Variants in AGMO observed in about 807,000 individuals in gnomAD.
AGMO encodes alkylglycerol monooxygenase, also known as glyceryl-ether monooxygenase.
AGMO carries 75 observed loss-of-function variants against 60.2 expected under a neutral mutation model. That is an observed-to-expected ratio of 1.25 (90% CI 1.03 to 1.51). AGMO has a LOEUF of 1.51. Among genes scored for constraint, AGMO ranks in the 40% most tolerant of loss-of-function variants. The pLI, the probability that AGMO is intolerant of heterozygous loss-of-function variation, is 0.00. For synonymous variants in AGMO, 261 were observed against 177.1 expected, an observed-to-expected ratio of 1.47 and a Z score of -3.76; for missense variants, 763 against 525.5, an observed-to-expected ratio of 1.45 and a Z score of -4.42.
chr7:15,361,489 G>A (rs1782753945), intron 12 of AGMO, among the ~76,000 whole-genome samples: 2 of 137,292 alleles, frequency 1.5e-5, no homozygotes, highest in Admixed American at 8.1e-5. Context: ...GCAGTGAGCC[G>A]AGATCGCGCC....
the AGMO span, among the ~76,000 whole-genome samples, chr7:15,179,925 T>C: frequency 1.3e-5 from 2 of 152,078 alleles, no homozygotes; most frequent in Non-Finnish European, 2.9e-5. Context: ...GCCACAGGGG[T>C]ACTGTGCTAG....
At position 15,365,380 on chromosome 7, in the gene AGMO, T is replaced by TAAAAAAAAAAAAA. The variant is rs60202363; in HGVS notation, c.1263+121_1263+133dup. 4.2e-3 allele frequency: 930 copies of TAAAAAAAAAAAAA among 223,462 alleles called. 21 individuals carry two copies. The highest frequency in any genetic ancestry group is 8.9e-3 in the South Asian group (119 of 13,352). 13.8% of individuals were successfully genotyped at this position (223,462 alleles called of 1,614,324 possible). ...GACACAACTAACAAGTACTGGTAAG[T>TAAAAAAAAAAAAA]AAAAAAAAAAAAAAAGATCAAGATT... On this transcript the variant is annotated intron_variant, in intron 12 of 12. Transcript: ENST00000342526.
At chr7:15,195,306 AG>A in the AGMO span, among the ~76,000 whole-genome samples, 1 of 152,314 alleles carries the variant, frequency 6.6e-6, no homozygotes, top group Non-Finnish European at 1.5e-5. Context: ...AGCAAGAAAG[AG>A]AAAAGAGAAT....
intron 3 of AGMO, among the ~76,000 whole-genome samples, chr7:15,515,762 G>A (rs559685769): frequency 6.6e-6 from 1 of 152,318 alleles, no homozygotes; most frequent in South Asian, 2.1e-4. Flanking sequence ...ATGTTGTCCT[G>A]TAGGATTTAT....
chr7:15,178,296 G>T, the AGMO span, among the ~76,000 whole-genome samples: 1 of 152,178 alleles, frequency 6.6e-6, no homozygotes, highest in African/African-American at 2.4e-5. Flanking sequence ...TTCATTGATA[G>T]ATTGGCTGAT....
chr7:15,540,542 T>G (rs1379515809), intron 3 of AGMO, among the ~76,000 whole-genome samples: 1 of 152,138 alleles, frequency 6.6e-6, no homozygotes, highest in African/African-American at 2.4e-5. Flanking sequence ...TAGCATCAAG[T>G]GAGCTGGCAA....
intron 3 of AGMO, among the ~76,000 whole-genome samples, chr7:15,485,178 C>A (rs1208027185): frequency 2.1e-5 from 3 of 144,158 alleles, no homozygotes; most frequent in Non-Finnish European, 1.5e-5. Flanking sequence ...ATTAGCAGGG[C>A]GTGATGGCGG....
chr7:15,436,799 T>TC (rs1359168272), intron 3 of AGMO, among the ~76,000 whole-genome samples: 2 of 152,170 alleles, frequency 1.3e-5, no homozygotes, highest in Non-Finnish European at 2.9e-5. Flanking sequence ...GTCCAAGTAT[T>TC]CTCTGGGACA....
intron 3 of AGMO, among the ~76,000 whole-genome samples, chr7:15,540,740 T>C (rs1479553871): frequency 1.3e-5 from 2 of 152,228 alleles, no homozygotes; most frequent in South Asian, 2.1e-4. Context: ...CATAACCTCT[T>C]GTATTGTTTT....
rs570425558 is a variant in AGMO at position 15,533,888 on chromosome 7, T to A, written c.409+10884A>T. On this transcript the variant is annotated intron_variant, in intron 3 of 12. Transcript: ENST00000342526. ...ACAGTTCCAAAACACAGAGCTGGCA[T>A]TAAAAATTTGTTTTAAAAGATGATG... 8.5e-5 allele frequency among the ~76,000 whole-genome samples: 13 copies of A among 152,226 alleles called. No individual in the cohort carries two copies. The South Asian group carries it at 2.5e-3, about 29-fold the overall frequency.
intron 12 of AGMO, among the ~76,000 whole-genome samples, chr7:15,274,362 G>T (rs1054561529): frequency 1.3e-5 from 2 of 152,126 alleles, no homozygotes. Flanking sequence ...CTTTTCTGCA[G>T]CTACTGAGAT....
At chr7:15,479,570 T>C (rs1562528054) in intron 3 of AGMO, among the ~76,000 whole-genome samples, 1 of 152,262 alleles carries the variant, frequency 6.6e-6, no homozygotes. Context: ...TCATCATGGT[T>C]TTTTTTCATG....
At chr7:15,131,829 A>C in the AGMO span, among the ~76,000 whole-genome samples, 1 of 151,820 alleles carries the variant, frequency 6.6e-6, no homozygotes. Flanking sequence ...ATGGAAGCCA[A>C]AAGGAGACAG....
At chr7:15,151,028 T>A in the AGMO span, among the ~76,000 whole-genome samples, 1 of 152,260 alleles carries the variant, frequency 6.6e-6, no homozygotes, top group African/African-American at 2.4e-5. Context: ...TTATAATTTC[T>A]TCCCTGGTTC....
chr7:15,159,533 T>G, the AGMO span, among the ~76,000 whole-genome samples: 4 of 152,262 alleles, frequency 2.6e-5, no homozygotes, highest in Admixed American at 6.5e-5. Context: ...ATTTAAAAAA[T>G]AATTCTGTCA....
chr7:15,155,419 C>CTTTTTTTTTTTTTTTTTTTTT, the AGMO span, among the ~76,000 whole-genome samples: 21 of 63,918 alleles, frequency 3.3e-4, 1 homozygote, highest in African/African-American at 3.9e-4. Flanking sequence ...TACAGAATTT[C>CTTTTTTTTTTTTTTTTTTTTT]TTTTTTTTTT....
chr7:15,227,385 A>C (rs905418082), intron 12 of AGMO, among the ~76,000 whole-genome samples: 1 of 151,992 alleles, frequency 6.6e-6, no homozygotes, highest in Non-Finnish European at 1.5e-5. Flanking sequence ...TTCTACCTAT[A>C]AATACTGAAA....
the AGMO span, among the ~76,000 whole-genome samples, chr7:15,171,770 CT>C: frequency 5.9e-5 from 9 of 152,254 alleles, no homozygotes; most frequent in Middle Eastern, 3.4e-3. Context: ...AACTCCATGC[CT>C]TTTATCTTTC....
intron 12 of AGMO, among the ~76,000 whole-genome samples, chr7:15,212,050 G>T (rs1039545388): frequency 1.3e-5 from 2 of 151,876 alleles, no homozygotes; most frequent in Admixed American, 1.3e-4. Flanking sequence ...GAGAATTATT[G>T]TTCCATATCT....
Sources: gnomAD v4.1 joint callset for allele counts (sites outside exome capture counted in the v4.1 genomes callset) on GRCh38, gnomAD v4.1.1 for gene constraint, MANE v1.5 for transcripts, NCBI Gene and HGNC (gene_info 2026-07-23, HGNC 2026-07-21) for gene names.